Variants in CSMD1 observed in about 807,000 individuals in gnomAD.
The protein encoded by CSMD1 is CUB and Sushi multiple domains 1, also known as CUB and sushi domain-containing protein 1.
CSMD1 carries 213 observed loss-of-function variants against 417.5 expected under a neutral mutation model. The observed-to-expected ratio is 0.51, with a 90% CI of 0.46 to 0.57. CSMD1 has a LOEUF of 0.57. CSMD1 is among the 20% of genes least tolerant of loss of function. The pLI is 0.00. For missense variants in CSMD1, 6,923 were observed against 4,529.7 expected, an observed-to-expected ratio of 1.53 and a Z score of -15.17; for synonymous variants, 2,862 against 1,736.8, an observed-to-expected ratio of 1.65 and a Z score of -16.11.
intron 26 of CSMD1, among the ~76,000 whole-genome samples, chr8:3,256,086 G>A (rs958568580): frequency 6.6e-6 from 1 of 151,008 alleles, no homozygotes; most frequent in African/African-American, 2.4e-5. Flanking sequence ...CCAGGACTTT[G>A]GGGGGCTGAG....
chr8:4,971,207 A>G (rs958123752), intron 1 of CSMD1, among the ~76,000 whole-genome samples: 6 of 152,066 alleles, frequency 3.9e-5, no homozygotes, highest in Non-Finnish European at 5.9e-5. Flanking sequence ...ACATAATGAT[A>G]TTAATGATAT....
At chr8:3,447,414 A>T (rs1815370818) in intron 12 of CSMD1, among the ~76,000 whole-genome samples, 2 of 152,222 alleles carry the variant, frequency 1.3e-5, no homozygotes, top group Admixed American at 1.3e-4. Context: ...CCCAAAGATA[A>T]ACCACTTTAG....
chr8:4,232,912 A>G (rs1050488773), intron 3 of CSMD1, among the ~76,000 whole-genome samples: 1 of 152,204 alleles, frequency 6.6e-6, no homozygotes, highest in Non-Finnish European at 1.5e-5. Context: ...ATTGAAATTC[A>G]CAAGAATTCT....
At chr8:4,929,612 C>A (rs77973314) in intron 1 of CSMD1, among the ~76,000 whole-genome samples, 7,945 of 152,224 alleles carry the variant, frequency 0.052, 237 homozygotes, top group African/African-American at 0.071. Context: ...CAAATGATTT[C>A]ATCATTTGTC....
chr8:3,606,282 A>C (rs1407816499), intron 8 of CSMD1, among the ~76,000 whole-genome samples: 1 of 152,088 alleles, frequency 6.6e-6, no homozygotes, highest in African/African-American at 2.4e-5. Context: ...AACATCACAG[A>C]GGGCCCTTAC....
At chr8:3,258,590 G>T (rs1800827177) in intron 26 of CSMD1, among the ~76,000 whole-genome samples, 1 of 152,122 alleles carries the variant, frequency 6.6e-6, no homozygotes. Context: ...ATCCATTATT[G>T]GGTATATGCC....
intron 26 of CSMD1, among the ~76,000 whole-genome samples, chr8:3,261,665 C>A (rs1296169578): frequency 6.6e-6 from 1 of 152,098 alleles, no homozygotes; most frequent in African/African-American, 2.4e-5. Flanking sequence ...CTGCAGGAAT[C>A]TAAAGGAATA....
chr8:3,432,458 G>A (rs1364201191), intron 12 of CSMD1, among the ~76,000 whole-genome samples: 1 of 148,218 alleles, frequency 6.7e-6, no homozygotes, highest in Non-Finnish European at 1.5e-5. Context: ...TTTTAGAAAA[G>A]TTGTTACTCC....
intron 1 of CSMD1, among the ~76,000 whole-genome samples, chr8:4,991,665 G>A (rs917151871): frequency 1.9e-4 from 29 of 152,218 alleles, no homozygotes; most frequent in East Asian, 5.9e-4. Context: ...GCGCGCTGCC[G>A]AGCCCCGGGG....
chr8:3,540,020 C>G (rs779745200), intron 10 of CSMD1, among the ~76,000 whole-genome samples: 6 of 152,170 alleles, frequency 3.9e-5, no homozygotes, highest in Non-Finnish European at 8.8e-5. Context: ...AACAGGGCTG[C>G]TTCTGTTGTG....
At chr8:3,552,615 C>G (rs961886213) in intron 10 of CSMD1, among the ~76,000 whole-genome samples, 8 of 152,094 alleles carry the variant, frequency 5.3e-5, no homozygotes, top group African/African-American at 1.7e-4. Context: ...TAAGAGGACT[C>G]AAGTGTAACG....
chr8:4,312,843 G>C (rs766622678), intron 3 of CSMD1, among the ~76,000 whole-genome samples: 1 of 151,966 alleles, frequency 6.6e-6, no homozygotes, highest in East Asian at 1.9e-4. Context: ...CAGGCAAGGC[G>C]GTAAGAGTGA....
intron 3 of CSMD1, among the ~76,000 whole-genome samples, chr8:4,107,185 A>C (rs1256041226): frequency 1.3e-5 from 2 of 152,212 alleles, no homozygotes; most frequent in Non-Finnish European, 2.9e-5. Context: ...AATGCAACAA[A>C]AAGGCTGAAA....
At position 4,883,988 on chromosome 8, in the gene CSMD1, A is replaced by G. The variant is rs1229654210; in HGVS notation, c.85+110344T>C. 2.6e-5 allele frequency among the ~76,000 whole-genome samples: 4 copies of G among 151,966 alleles called. No individual in the cohort carries two copies. The East Asian group carries it at 7.7e-4, about 29-fold the overall frequency. On this transcript the variant is annotated intron_variant, in intron 1 of 69. Transcript: ENST00000635120. ...CTTCCAATTTCTTCCAATCCTCTAC[A>G]ATACTTGCTATTGTCTGTATTTTTG...
At chr8:4,413,775 G>T (rs532041196) in intron 3 of CSMD1, among the ~76,000 whole-genome samples, 1 of 151,948 alleles carries the variant, frequency 6.6e-6, no homozygotes, top group African/African-American at 2.4e-5. Context: ...ACAAACGAGA[G>T]ATTTCGGTAG....
At chr8:4,346,323 G>C (rs190926174) in intron 3 of CSMD1, among the ~76,000 whole-genome samples, 2 of 152,272 alleles carry the variant, frequency 1.3e-5, no homozygotes, top group East Asian at 3.9e-4. Flanking sequence ...CATAAATCCA[G>C]TTTTACTGGA....
At chr8:4,831,793 T>C (rs767342197) in intron 1 of CSMD1, among the ~76,000 whole-genome samples, 14 of 152,152 alleles carry the variant, frequency 9.2e-5, no homozygotes, top group Non-Finnish European at 1.9e-4. Flanking sequence ...GCAGGTCCCC[T>C]TCAGGGACCA....
intron 1 of CSMD1, among the ~76,000 whole-genome samples, chr8:4,716,844 A>C (rs1808689838): frequency 6.6e-6 from 1 of 152,160 alleles, no homozygotes; most frequent in African/African-American, 2.4e-5. Context: ...TGAATTTGAA[A>C]CAACCAAATT....
chr8:3,152,894 C>T (rs117082370), intron 39 of CSMD1, among the ~76,000 whole-genome samples: 1 of 152,148 alleles, frequency 6.6e-6, no homozygotes, highest in Non-Finnish European at 1.5e-5. Context: ...AGCAGTAACA[C>T]CCTTTCCCTT....
Sources: allele counts gnomAD v4.1 joint callset (sites outside exome capture counted in the v4.1 genomes callset), GRCh38; gene constraint gnomAD v4.1.1; transcripts MANE v1.5; gene names NCBI Gene and HGNC (gene_info 2026-07-23, HGNC 2026-07-21).